CAMTA1: variants seen among roughly 807,000 people sequenced by gnomAD.
The protein encoded by CAMTA1 is calmodulin binding transcription activator 1.
CAMTA1 carries 27 observed loss-of-function variants against 170.9 expected under a neutral mutation model. That is an observed-to-expected ratio of 0.16 (90% CI 0.12 to 0.22). CAMTA1 has a LOEUF of 0.22. CAMTA1 is among the 10% of genes least tolerant of loss of function. CAMTA1 has a pLI of 1.00. For synonymous variants in CAMTA1, 833 were observed against 891.5 expected (o/e 0.93, Z 1.17); for missense variants, 1,619 against 2,217.2 (o/e 0.73, Z 5.42).
intron 3 of CAMTA1, among the ~76,000 whole-genome samples, chr1:6,987,456 C>T (rs917913154): frequency 2.0e-5 from 3 of 152,188 alleles, no homozygotes; most frequent in South Asian, 2.1e-4. Context: ...TGAGCCATCA[C>T]GCCCGGCCAA....
At chr1:7,669,236 G>C (rs555960341) in intron 9 of CAMTA1, among the ~76,000 whole-genome samples, 5 of 152,382 alleles carry the variant, frequency 3.3e-5, no homozygotes, top group African/African-American at 9.6e-5. Context: ...CCAGGCTCAT[G>C]CAAGAGCAGG....
chr1:7,644,506 T>C (rs571504370), intron 7 of CAMTA1, among the ~76,000 whole-genome samples: 6 of 152,284 alleles, frequency 3.9e-5, no homozygotes, highest in African/African-American at 1.4e-4. Flanking sequence ...AGGGTTGATG[T>C]GGCAGCCCCA....
Position 7,177,535 on chromosome 1 carries a change from A to C in CAMTA1, c.303-71956A>C, listed in dbSNP as rs555534778. On this transcript the variant is annotated intron_variant, in intron 4 of 22. Transcript: ENST00000303635. The stretch of plus-strand genomic sequence containing the variant: ...CCTCTCCCACACACAAGTCCCTCCC[A>C]TATTGAGACCCCTCCCACATACTGA... Among the ~76,000 whole-genome samples the C allele has an allele frequency of 9.4e-5, 8 of 85,386 alleles. No individual in the cohort carries two copies. The East Asian group carries it at 2.5e-3, about 27-fold the overall frequency. 56.0% of individuals were successfully genotyped at this position (85,386 alleles called of 152,430 possible). A position where few individuals can be genotyped will look rare whatever the true frequency, so the allele number is the denominator to read the frequency against.
intron 5 of CAMTA1, among the ~76,000 whole-genome samples, chr1:7,453,619 A>AG (rs1350981785): frequency 1.3e-5 from 2 of 152,192 alleles, no homozygotes; most frequent in African/African-American, 2.4e-5. Context: ...CTGTCCCTGG[A>AG]GGGGGACATG....
At chr1:6,879,820 G>A (rs1055990566) in intron 3 of CAMTA1, among the ~76,000 whole-genome samples, 9 of 148,312 alleles carry the variant, frequency 6.1e-5, no homozygotes, top group Non-Finnish European at 8.9e-5. Flanking sequence ...TTGTAGAGAC[G>A]GAGTCTCTGT....
At chr1:6,840,192 A>G (rs116535477) in intron 3 of CAMTA1, among the ~76,000 whole-genome samples, 1,631 of 152,110 alleles carry the variant, frequency 0.011, 24 homozygotes, top group African/African-American at 0.038. Flanking sequence ...AGAGCGGAAC[A>G]CCGTCTCAAA....
intron 3 of CAMTA1, among the ~76,000 whole-genome samples, chr1:6,913,728 G>A (rs2149282201): frequency 6.6e-6 from 1 of 152,156 alleles, no homozygotes; most frequent in South Asian, 2.1e-4. Context: ...TCAGGAGGGA[G>A]ATTGTGGGAG....
intron 4 of CAMTA1, among the ~76,000 whole-genome samples, chr1:7,200,437 T>C (rs1573849626): frequency 6.6e-6 from 1 of 152,238 alleles, no homozygotes. Flanking sequence ...ATGTTCTTTA[T>C]AGCAAATGAA....
chr1:6,968,334 C>T (rs1429454377), intron 3 of CAMTA1, among the ~76,000 whole-genome samples: 1 of 152,192 alleles, frequency 6.6e-6, no homozygotes, highest in Non-Finnish European at 1.5e-5. Context: ...GGAAGGATGG[C>T]CCTTGCCCCT....
intron 5 of CAMTA1, among the ~76,000 whole-genome samples, chr1:7,429,706 C>T (rs2092063545): frequency 6.9e-6 from 1 of 144,130 alleles, no homozygotes; most frequent in African/African-American, 2.6e-5. Flanking sequence ...TCTCACATTG[C>T]TGTAAAGAGA....
rs1200594634 is a variant in CAMTA1, at chr1:7,768,081, C to T, written c.*1590C>T. 6.8e-6 allele frequency: 1 copy of T among 148,004 alleles called. No individual in the cohort carries two copies. Among genetic ancestry groups the T allele is most frequent in the African/African-American group, 2.5e-5 (1 of 39,886 alleles). The allele number at this position is 148,004 out of a possible 1,614,324, so 9.2% of individuals were successfully genotyped here. A position where few individuals can be genotyped will look rare whatever the true frequency, so the allele number is the denominator to read the frequency against. On this transcript the variant is annotated 3_prime_UTR_variant, in exon 23 of 23. Transcript: ENST00000303635. Reference sequence around the variant, plus strand: ...GAATCAGTATGTAGCTTAACACCATCCACTCACTCCAACAAAGAACACTTA... The same window carrying T: ...GAATCAGTATGTAGCTTAACACCATTCACTCACTCCAACAAAGAACACTTA...
intron 3 of CAMTA1, among the ~76,000 whole-genome samples, chr1:6,919,763 C>T (rs978057683): frequency 3.9e-5 from 6 of 152,170 alleles, no homozygotes; most frequent in South Asian, 4.1e-4. Flanking sequence ...TCACCTTATG[C>T]GGATGGCAGC....
At chr1:6,805,080 A>C (rs145062102) in intron 1 of CAMTA1, among the ~76,000 whole-genome samples, 11 of 152,328 alleles carry the variant, frequency 7.2e-5, no homozygotes, top group African/African-American at 2.6e-4. Context: ...AACTCTGTTT[A>C]ACTTTTTGAG....
chr1:7,730,560 T>A (rs2096724058), intron 11 of CAMTA1, among the ~76,000 whole-genome samples: 3 of 152,144 alleles, frequency 2.0e-5, no homozygotes, highest in Admixed American at 2.0e-4. Context: ...GGGAGAGACC[T>A]CCCCTCTTCG....
At chr1:7,323,684 C>T (rs541947148) in intron 5 of CAMTA1, among the ~76,000 whole-genome samples, 2 of 151,912 alleles carry the variant, frequency 1.3e-5, no homozygotes, top group Non-Finnish European at 2.9e-5. Context: ...TGTTATTTCC[C>T]CTGCTACTAA....
intron 3 of CAMTA1, among the ~76,000 whole-genome samples, chr1:6,940,443 A>C (rs543430037): frequency 6.6e-6 from 1 of 152,262 alleles, no homozygotes; most frequent in Non-Finnish European, 1.5e-5. Flanking sequence ...CTGGGGAGGA[A>C]GCCCTGCTTT....
intron 5 of CAMTA1, among the ~76,000 whole-genome samples, chr1:7,377,907 T>C (rs772723781): frequency 6.6e-6 from 1 of 152,126 alleles, no homozygotes; most frequent in South Asian, 2.1e-4. Context: ...GGTGACAGAG[T>C]GAGAGCCTGT....
chr1:7,457,561 C>T (rs1351550590), intron 5 of CAMTA1, among the ~76,000 whole-genome samples: 2 of 152,196 alleles, frequency 1.3e-5, no homozygotes. Context: ...GCACACCTCC[C>T]TGGTTCCTTT....
rs533696206 is a variant in CAMTA1 at position 7,565,195 on chromosome 1, G to A, written c.511-75205G>A. Among the ~76,000 whole-genome samples, 79 of 152,260 alleles carry A rather than the reference G, an allele frequency of 5.2e-4. No homozygotes were observed. The highest frequency in any genetic ancestry group is 3.4e-3 in the Middle Eastern group (1 of 294). On this transcript the variant is annotated intron_variant, in intron 6 of 22. Coordinates refer to ENST00000303635, the MANE Select transcript of CAMTA1 (RefSeq NM_015215.4). The surrounding 1 kb of genome is among the most constrained non-coding windows in gnomAD (Gnocchi z 4.5). ...TTGCCAGCCGATCACTGGGGCAGAA[G>A]GTGGGATCTCCATCTGTCCCTCCTC...
Sources: allele counts gnomAD v4.1 joint callset (sites outside exome capture counted in the v4.1 genomes callset), GRCh38; gene constraint gnomAD v4.1.1; non-coding constraint Gnocchi (gnomAD v3.1); transcripts MANE v1.5; gene names NCBI Gene and HGNC (gene_info 2026-07-23, HGNC 2026-07-21).